The following HSP90AA1 variants were observed in gnomAD, a reference collection of about 807,000 sequenced individuals.
HSP90AA1 encodes the protein heat shock protein 90 alpha family class A member 1, also known as heat shock protein HSP 90-alpha.
HSP90AA1 carries 18 observed loss-of-function variants against 73.3 expected under a neutral mutation model. The observed-to-expected ratio is 0.25, with a 90% CI of 0.17 to 0.36. HSP90AA1 has a LOEUF of 0.36. Ranked by LOEUF, HSP90AA1 falls within the 10% of genes least tolerant of loss-of-function variation. HSP90AA1 has a pLI of 1.00. For missense variants in HSP90AA1, 704 were observed against 874.2 expected, an observed-to-expected ratio of 0.81 and a Z score of 2.45; for synonymous variants, 477 against 296.9, an observed-to-expected ratio of 1.61 and a Z score of -6.24.
At chr14:102,088,052 A>T (rs979118149), upstream of HSP90AA1, among the ~76,000 whole-genome samples, 7 of 141,238 alleles carry the variant, frequency 5.0e-5, no homozygotes, top group Non-Finnish European at 3.0e-5. Flanking sequence ...GGCTCAGGTG[A>T]TCCTCCCGCC....
intron 1 of HSP90AA1, among the ~76,000 whole-genome samples, chr14:102,129,745 T>C (rs2049884818): frequency 6.6e-6 from 1 of 152,010 alleles, no homozygotes. Context: ...CCATGTGATC[T>C]GCCTGCCTTG....
At chr14:102,124,380 T>C (rs1208076697) in intron 1 of HSP90AA1, among the ~76,000 whole-genome samples, 1 of 151,326 alleles carries the variant, frequency 6.6e-6, no homozygotes, top group Non-Finnish European at 1.5e-5. Context: ...TTAGTAGAGG[T>C]GGGGGTTTCA....
upstream of HSP90AA1, among the ~76,000 whole-genome samples, chr14:102,089,120 C>T (rs1289017380): frequency 6.6e-6 from 1 of 152,094 alleles, no homozygotes; most frequent in Admixed American, 6.5e-5. Context: ...GGGGTTTCAC[C>T]ATGTTGGCCA....
At chr14:102,087,315 C>T (rs1461459736), upstream of HSP90AA1, 4 of 329,736 alleles carry the variant, frequency 1.2e-5, no homozygotes, top group Non-Finnish European at 1.7e-5. Flanking sequence ...TGCGCCTGCG[C>T]GGCCCGGAAT....
chr14:102,083,845 T>TCCG lies in HSP90AA1; in HGVS notation c.1283_1285dup (p.Ala428dup). On this transcript the variant is annotated inframe_insertion, in exon 7 of 11. Transcript: ENST00000216281. ...GAATTTCTTGTAGTTCTCTTTATCT[T>TCCG]CCGCCAGTTCAGTAAAGAGTTCTAA... The TCCG allele has an allele frequency of 6.2e-7, 1 of 1,613,968 alleles. No individual in the cohort carries two copies. Among genetic ancestry groups the TCCG allele is most frequent in the South Asian group, 1.1e-5 (1 of 91,018 alleles).
rs753420107 is a variant in HSP90AA1 at position 102,085,286 on chromosome 14, A to C, written c.663+12T>G. 6.2e-7 allele frequency: 1 copy of C among 1,609,826 alleles called. No individual in the cohort carries two copies. Among genetic ancestry groups the C allele is most frequent in the Non-Finnish European group, 8.5e-7 (1 of 1,177,188 alleles). ...AGACAGAAATTCACTCTGCAATTAC[A>C]TAAAAACTTACAAAAAGAGTAATGG... On this transcript the variant is annotated intron_variant, in intron 4 of 10. Coordinates refer to ENST00000216281, the MANE Select transcript of HSP90AA1 (RefSeq NM_005348.4).
In HSP90AA1 at chr14:102,084,413, A is replaced by AT; in HGVS notation, c.1132dup (p.Ile378AsnfsTer3). Reference sequence around the variant, plus strand: ...TCTATACTTACTCAGATATTCAGGGATTAGCTCCTCACAGTTATCCATGAT... The same window carrying AT: ...TCTATACTTACTCAGATATTCAGGGATTTAGCTCCTCACAGTTATCCATGAT... On this transcript the variant is annotated frameshift_variant, in exon 6 of 11. Transcript: ENST00000216281. LOFTEE classifies it high-confidence loss of function. The AT allele has an allele frequency of 6.2e-7, 1 of 1,612,482 alleles. No homozygotes were observed.
upstream of HSP90AA1, among the ~76,000 whole-genome samples, chr14:102,087,382 C>A (rs1049653892): frequency 1.3e-5 from 2 of 151,618 alleles, no homozygotes; most frequent in Admixed American, 6.6e-5. Flanking sequence ...CCTGCACCCC[C>A]ACCTGCCGCG....
chr14:102,108,649 C>T (rs1031288625), intron 1 of HSP90AA1, among the ~76,000 whole-genome samples: 7 of 151,132 alleles, frequency 4.6e-5, no homozygotes, highest in African/African-American at 1.7e-4. Context: ...GATTCTCCTG[C>T]CTCAGCCTCT....
chr14:102,095,328 T>A (rs1182878727), intron 2 of HSP90AA1, among the ~76,000 whole-genome samples: 1 of 151,962 alleles, frequency 6.6e-6, no homozygotes, highest in African/African-American at 2.4e-5. Flanking sequence ...GGTGCTTGGG[T>A]GTGGGAGCAC....
At position 102,086,984 on chromosome 14, in the gene HSP90AA1, A is replaced by C. The variant is rs1354765348; in HGVS notation, c.-1+2T>G. ...CCACAGGCCCCCACAACCACCCGTCACCTTGGCTAAGTGACCGCACAGGAC... is the reference window on the plus strand; with the variant it reads ...CCACAGGCCCCCACAACCACCCGTCCCCTTGGCTAAGTGACCGCACAGGAC... On this transcript the variant is annotated splice_donor_variant, in intron 1 of 10. Transcript: ENST00000216281. LOFTEE classifies it low-confidence loss of function (5UTR_SPLICE). 1 of 984,068 alleles carries C rather than the reference A, an allele frequency of 1.0e-6. No individual in the cohort carries two copies. Among genetic ancestry groups the C allele is most frequent in the African/African-American group, 1.8e-5 (1 of 56,660 alleles). The allele number at this position is 984,068 out of a possible 1,614,324, so 61.0% of individuals were successfully genotyped here.
Position 102,084,678 on chromosome 14 carries a change from C to G in HSP90AA1, c.981+3G>C, listed in dbSNP as rs770961568. The G allele has an allele frequency of 7.4e-6, 12 of 1,613,718 alleles. No individual in the cohort carries two copies. In the African/African-American group the frequency reaches 1.5e-4, roughly 20 times the overall value. On this transcript the variant is annotated splice_donor_region_variant and intron_variant, in intron 5 of 10. Coordinates refer to ENST00000216281, the MANE Select transcript of HSP90AA1 (RefSeq NM_005348.4). ...AAGCTTGAAGCACCCATCAGTCACT[C>G]ACCTTCACTGCCAAGTGATCTTCCC...
intron 1 of HSP90AA1, among the ~76,000 whole-genome samples, chr14:102,133,326 ACT>A (rs928685697): frequency 2.6e-5 from 4 of 152,014 alleles, no homozygotes; most frequent in African/African-American, 9.7e-5. Flanking sequence ...TGCTGATAAG[ACT>A]CTAATGATAT....
In HSP90AA1 at chr14:102,086,028, G is replaced by C; in HGVS notation, c.259C>G (p.Arg87Gly). Reference sequence around the variant, plus strand: ...CCAGTATCCACAATAGTGAGAGTTCGATCTTGTTTGTTCGGTATAAGGTTA... The same window carrying C: ...CCAGTATCCACAATAGTGAGAGTTCCATCTTGTTTGTTCGGTATAAGGTTA... The part of the protein sequence containing the change: ...HINLIPNKQD[R>G]TLTIVDTGIG... The change falls in exon 3 of 11, where the codon CGA becomes GGA. Residue 87 changes from arginine to glycine, a missense_variant. Coordinates refer to ENST00000216281, the MANE Select transcript of HSP90AA1 (RefSeq NM_005348.4). 1.9e-6 allele frequency: 3 copies of C among 1,613,882 alleles called. No individual in the cohort carries two copies. Among genetic ancestry groups the C allele is most frequent in the Non-Finnish European group, 2.5e-6 (3 of 1,179,840 alleles).
Position 102,083,033 on chromosome 14 carries a change from C to T in HSP90AA1, c.1755+1G>A. On this transcript the variant is annotated splice_donor_variant, in intron 9 of 10. Transcript: ENST00000216281. LOFTEE classifies it high-confidence loss of function. ...GATCAGGAAATGCTGTATTCACATA[C>T]CTTTTCAACTTTTTTCTCCAATATG... 1 of 1,613,720 alleles carries T rather than the reference C, an allele frequency of 6.2e-7. No individual in the cohort carries two copies. The highest frequency in any genetic ancestry group is 1.1e-5 in the South Asian group (1 of 91,046).
At chr14:102,123,983 AAG>A (rs1328838359) in intron 1 of HSP90AA1, among the ~76,000 whole-genome samples, 2 of 151,436 alleles carry the variant, frequency 1.3e-5, no homozygotes, top group Non-Finnish European at 2.9e-5. Flanking sequence ...AAATTTTCTG[AAG>A]AGATGGCGCC....
intron 2 of HSP90AA1, among the ~76,000 whole-genome samples, chr14:102,092,672 C>A (rs2049374074): frequency 6.6e-6 from 1 of 152,064 alleles, no homozygotes; most frequent in African/African-American, 2.4e-5. Flanking sequence ...GATGAATCTT[C>A]ATTATTTTGA....
chr14:102,113,807 T>G (rs1377300751), intron 1 of HSP90AA1, among the ~76,000 whole-genome samples: 1 of 152,176 alleles, frequency 6.6e-6, no homozygotes, highest in Admixed American at 6.5e-5. Context: ...GGCTCCCAGG[T>G]TCACGCCATT....
intron 1 of HSP90AA1, among the ~76,000 whole-genome samples, chr14:102,115,762 A>C (rs1050064667): frequency 2.0e-5 from 3 of 151,882 alleles, no homozygotes; most frequent in Non-Finnish European, 4.4e-5. Context: ...AAAAAAAGAA[A>C]AATTTATCTG....
Sources: allele counts gnomAD v4.1 joint callset (sites outside exome capture counted in the v4.1 genomes callset), GRCh38; gene constraint gnomAD v4.1.1; transcripts MANE v1.5; gene names NCBI Gene and HGNC (gene_info 2026-07-23, HGNC 2026-07-21).